LAMA2: variants seen among roughly 807,000 people sequenced by gnomAD.
LAMA2 encodes laminin subunit alpha-2.
A neutral mutation model predicts 364.8 loss-of-function variants in LAMA2; 269 were observed. The observed-to-expected ratio is 0.74, with a 90% CI of 0.67 to 0.82. The LOEUF (loss-of-function observed/expected upper bound fraction) is 0.82, where lower values mean the gene tolerates loss of function less well. Ranked by LOEUF, LAMA2 falls within the 40% of genes least tolerant of loss-of-function variation. LAMA2 has a pLI of 0.00. For synonymous variants in LAMA2, 1,379 were observed against 1,370.6 expected (o/e 1.01, Z -0.14); for missense variants, 3,807 against 3,873.2 (o/e 0.98, Z 0.45).
chr6:129,010,235 C>G (rs1784681470), intron 1 of LAMA2, among the ~76,000 whole-genome samples: 1 of 152,200 alleles, frequency 6.6e-6, no homozygotes, highest in Non-Finnish European at 1.5e-5. Flanking sequence ...TTTTCTAAAT[C>G]TGGGTAATGA....
chr6:129,129,609 A>G lies in LAMA2; in HGVS notation c.640-14292A>G, dbSNP rs1273533385. Among the ~76,000 whole-genome samples, 3 of 152,200 alleles carry G rather than the reference A, an allele frequency of 2.0e-5. No homozygotes were observed. In the East Asian group the frequency reaches 5.8e-4, roughly 29 times the overall value. Reference sequence around the variant, plus strand: ...GGTGCATATCCTACAAATTGAGAATAAGGCATATTTTATCTTTTAAAATAA... The same window carrying G: ...GGTGCATATCCTACAAATTGAGAATGAGGCATATTTTATCTTTTAAAATAA... On this transcript the variant is annotated intron_variant, in intron 4 of 64. Transcript: ENST00000421865.
At chr6:128,893,423 T>C (rs956014179) in intron 1 of LAMA2, among the ~76,000 whole-genome samples, 6 of 151,850 alleles carry the variant, frequency 4.0e-5, no homozygotes, top group Non-Finnish European at 7.4e-5. Context: ...TACATATATG[T>C]ATTAATAATG....
chr6:128,936,792 G>A (rs1028315284), intron 1 of LAMA2, among the ~76,000 whole-genome samples: 3 of 152,106 alleles, frequency 2.0e-5, no homozygotes, highest in Non-Finnish European at 4.4e-5. Context: ...AACGACATAG[G>A]CATTGTAACA....
At chr6:129,424,108 A>G (rs1301574282) in intron 40 of LAMA2, among the ~76,000 whole-genome samples, 2 of 152,086 alleles carry the variant, frequency 1.3e-5, no homozygotes, top group African/African-American at 4.8e-5. Flanking sequence ...TGACAAAAAT[A>G]CAAAAGCAAT....
At chr6:128,945,573 A>G (rs1157434030) in intron 1 of LAMA2, among the ~76,000 whole-genome samples, 1 of 152,252 alleles carries the variant, frequency 6.6e-6, no homozygotes, top group Non-Finnish European at 1.5e-5. Flanking sequence ...GAATAAAAAT[A>G]ATGTTTAGTA....
chr6:129,129,645 C>G (rs994496086), intron 4 of LAMA2, among the ~76,000 whole-genome samples: 1 of 152,136 alleles, frequency 6.6e-6, no homozygotes, highest in African/African-American at 2.4e-5. Context: ...CATATTTTGG[C>G]CGGGCGCGGT....
At chr6:129,210,536 A>C (rs1463400008) in intron 12 of LAMA2, among the ~76,000 whole-genome samples, 3 of 152,180 alleles carry the variant, frequency 2.0e-5, no homozygotes, top group African/African-American at 7.2e-5. Context: ...GAGAAAGGAG[A>C]CTTGGCAGAA....
intron 15 of LAMA2, among the ~76,000 whole-genome samples, chr6:129,265,420 ATC>A (rs1787436508): frequency 6.6e-6 from 1 of 152,202 alleles, no homozygotes; most frequent in African/African-American, 2.4e-5. Context: ...CTTCATGAAT[ATC>A]TGTCTGAAAA....
intron 12 of LAMA2, among the ~76,000 whole-genome samples, chr6:129,226,621 G>T (rs1055091977): frequency 6.6e-6 from 1 of 151,892 alleles, no homozygotes; most frequent in African/African-American, 2.4e-5. Flanking sequence ...GAAATTCTGG[G>T]TTGAAAATTC....
At chr6:129,451,845 G>T (rs1451816363) in intron 45 of LAMA2, among the ~76,000 whole-genome samples, 1 of 152,152 alleles carries the variant, frequency 6.6e-6, no homozygotes, top group Non-Finnish European at 1.5e-5. Context: ...CTGGTGTCAT[G>T]ATCATATGGA....
chr6:128,926,832 A>C (rs115438736), intron 1 of LAMA2, among the ~76,000 whole-genome samples: 1,690 of 152,312 alleles, frequency 0.011, 31 homozygotes, highest in African/African-American at 0.039. Flanking sequence ...TATTCATCAG[A>C]TATAACGTTG....
chr6:129,506,454 A>G (rs561918219), intron 61 of LAMA2, among the ~76,000 whole-genome samples: 2 of 152,300 alleles, frequency 1.3e-5, no homozygotes, highest in African/African-American at 4.8e-5. Flanking sequence ...GTATGTATTC[A>G]TGGTGTTTCA....
intron 3 of LAMA2, among the ~76,000 whole-genome samples, chr6:129,079,846 A>G (rs1394264662): frequency 6.6e-6 from 1 of 152,186 alleles, no homozygotes; most frequent in Non-Finnish European, 1.5e-5. Flanking sequence ...ACCTATAAGT[A>G]CATATAAAAT....
intron 41 of LAMA2, among the ~76,000 whole-genome samples, chr6:129,430,273 TAGAA>T (rs1438398087): frequency 6.6e-6 from 1 of 152,130 alleles, no homozygotes; most frequent in Non-Finnish European, 1.5e-5. Context: ...TGCCTGGAGT[TAGAA>T]GGAATAAAAA....
At chr6:128,912,728 T>A (rs540249981) in intron 1 of LAMA2, among the ~76,000 whole-genome samples, 22 of 152,340 alleles carry the variant, frequency 1.4e-4, no homozygotes, top group African/African-American at 4.3e-4. Flanking sequence ...ATGTATATCA[T>A]TAGATTCATA....
intron 1 of LAMA2, among the ~76,000 whole-genome samples, chr6:129,049,391 A>G (rs368310395): frequency 2.0e-5 from 3 of 152,350 alleles, no homozygotes; most frequent in East Asian, 3.9e-4. Context: ...AGCAGTAAAA[A>G]TTGGTATTCC....
At chr6:129,006,453 C>G (rs1466534095) in intron 1 of LAMA2, among the ~76,000 whole-genome samples, 1 of 152,122 alleles carries the variant, frequency 6.6e-6, no homozygotes, top group Non-Finnish European at 1.5e-5. Flanking sequence ...AGCATGACCT[C>G]TCATCTCTTC....
At chr6:128,953,824 A>G (rs1658454749) in intron 1 of LAMA2, among the ~76,000 whole-genome samples, 1 of 152,100 alleles carries the variant, frequency 6.6e-6, no homozygotes, top group Non-Finnish European at 1.5e-5. Context: ...ACTGAGGGCA[A>G]TTTTAAAAGA....
intron 1 of LAMA2, among the ~76,000 whole-genome samples, chr6:128,986,121 G>A (rs868619540): frequency 6.6e-6 from 1 of 152,046 alleles, no homozygotes; most frequent in African/African-American, 2.4e-5. Flanking sequence ...TATTTGATAT[G>A]TTTCGATTCA....
Sources: gnomAD v4.1 joint callset for allele counts (sites outside exome capture counted in the v4.1 genomes callset) on GRCh38, gnomAD v4.1.1 for gene constraint, MANE v1.5 for transcripts, NCBI Gene and HGNC (gene_info 2026-07-23, HGNC 2026-07-21) for gene names.